SGCD: variants seen among roughly 807,000 people sequenced by gnomAD.
The protein encoded by SGCD is sarcoglycan delta, also known as delta-sarcoglycan.
SGCD carries 18 observed loss-of-function variants against 36.6 expected under a neutral mutation model. That is an observed-to-expected ratio of 0.49 (90% CI 0.34 to 0.73). SGCD has a LOEUF of 0.73. Among genes scored for constraint, SGCD ranks in the 30% least tolerant of loss-of-function variants. The pLI, the probability that SGCD is intolerant of heterozygous loss-of-function variation, is 0.01. For missense variants in SGCD, 387 were observed against 346.7 expected (o/e 1.12, Z -0.92); for synonymous variants, 133 against 130.6 (o/e 1.02, Z -0.12).
In SGCD at chr5:156,593,375, T is replaced by C. The variant is rs369580971; in HGVS notation, c.383-1557T>C. 8.0e-4 allele frequency among the ~76,000 whole-genome samples: 122 copies of C among 152,254 alleles called. 1 individual carries two copies. Among genetic ancestry groups the C allele is most frequent in the African/African-American group, 2.8e-3 (115 of 41,552 alleles). On this transcript the variant is annotated intron_variant, in intron 5 of 8. Transcript: ENST00000337851. Reference sequence around the variant, plus strand: ...AGACAAGGCTGTTCAGTGGCCATGATGGATCAAGACAAAACAACACAAACA... The same window carrying C: ...AGACAAGGCTGTTCAGTGGCCATGACGGATCAAGACAAAACAACACAAACA...
chr5:156,089,953 C>A (rs78643088), intron 1 of SGCD, among the ~76,000 whole-genome samples: 30,024 of 151,978 alleles, frequency 0.2, 3,359 homozygotes, highest in Non-Finnish European at 0.25. Context: ...ACTAAAGCCC[C>A]AGACCCTGGG....
intron 1 of SGCD, among the ~76,000 whole-genome samples, chr5:156,053,851 C>G (rs929487055): frequency 2.7e-5 from 4 of 146,314 alleles, no homozygotes; most frequent in African/African-American, 9.8e-5. Context: ...GATTCAATAT[C>G]TGGTGAGTGC....
chr5:156,500,712 C>T (rs1197194986), intron 3 of SGCD, among the ~76,000 whole-genome samples: 3 of 152,188 alleles, frequency 2.0e-5, no homozygotes, highest in Non-Finnish European at 2.9e-5. Context: ...TCTGAATAAA[C>T]ATATGCACTC....
At chr5:155,958,659 A>G (rs553535394) in intron 1 of SGCD, among the ~76,000 whole-genome samples, 16 of 152,308 alleles carry the variant, frequency 1.1e-4, no homozygotes, top group Non-Finnish European at 2.2e-4. Context: ...TCTTGGGGTC[A>G]GAACAGTATT....
chr5:155,905,327 T>C (rs1368372159), intron 1 of SGCD, among the ~76,000 whole-genome samples: 1 of 152,178 alleles, frequency 6.6e-6, no homozygotes, highest in Non-Finnish European at 1.5e-5. Context: ...ATCTAGCACA[T>C]GGTATAACCT....
chr5:156,099,603 C>T (rs1249089015), intron 1 of SGCD, among the ~76,000 whole-genome samples: 8 of 152,006 alleles, frequency 5.3e-5, no homozygotes, highest in African/African-American at 1.9e-4. Context: ...TTAGTAGAGA[C>T]GGGGTTTCAC....
At chr5:156,061,173 ATT>A (rs201621091) in intron 1 of SGCD, among the ~76,000 whole-genome samples, 7 of 137,768 alleles carry the variant, frequency 5.1e-5, no homozygotes, top group Admixed American at 1.5e-4. Flanking sequence ...AATTGCAACT[ATT>A]TTTTTTTTTT....
At chr5:156,405,006 A>G (rs1222492047) in intron 3 of SGCD, among the ~76,000 whole-genome samples, 1 of 152,242 alleles carries the variant, frequency 6.6e-6, no homozygotes, top group Non-Finnish European at 1.5e-5. Context: ...TGAGTTAATC[A>G]AAAGGGAGAT....
At chr5:155,973,064 T>C (rs182193276) in intron 1 of SGCD, among the ~76,000 whole-genome samples, 3 of 152,300 alleles carry the variant, frequency 2.0e-5, no homozygotes, top group African/African-American at 7.2e-5. Context: ...TGTGTCAATC[T>C]TTTTCTTTCT....
intron 2 of SGCD, among the ~76,000 whole-genome samples, chr5:156,335,674 G>A (rs1262540893): frequency 6.6e-6 from 1 of 151,972 alleles, no homozygotes. Context: ...TGCCCTCCAA[G>A]CCTTCTATCC....
chr5:155,896,684 AT>A (rs1756270003), intron 1 of SGCD, among the ~76,000 whole-genome samples: 1 of 151,676 alleles, frequency 6.6e-6, no homozygotes, highest in African/African-American at 2.4e-5. Context: ...TTATAAAAAA[AT>A]AAAATTAAAA....
the SGCD span, among the ~76,000 whole-genome samples, chr5:155,774,072 T>C: frequency 6.6e-6 from 1 of 152,126 alleles, no homozygotes; most frequent in Non-Finnish European, 1.5e-5. Flanking sequence ...CAACTTCTGT[T>C]TGGAGTCCAT....
At chr5:156,136,749 A>C (rs1762468843) in intron 3 of SGCD, among the ~76,000 whole-genome samples, 1 of 152,206 alleles carries the variant, frequency 6.6e-6, no homozygotes, top group Non-Finnish European at 1.5e-5. Flanking sequence ...AATCATTGAT[A>C]TCTGAGATTT....
intron 4 of SGCD, among the ~76,000 whole-genome samples, chr5:156,515,801 G>GCCAT (rs1429565514): frequency 6.6e-6 from 1 of 152,248 alleles, no homozygotes; most frequent in Non-Finnish European, 1.5e-5. Context: ...AAGGGGAGCT[G>GCCAT]CCATCACTGT....
chr5:156,469,361 A>G (rs547816583), intron 3 of SGCD, among the ~76,000 whole-genome samples: 4 of 152,370 alleles, frequency 2.6e-5, no homozygotes, highest in African/African-American at 9.6e-5. Flanking sequence ...AGCCTGTATT[A>G]TGATTGCTTA....
intron 3 of SGCD, among the ~76,000 whole-genome samples, chr5:156,456,574 G>A (rs1754272521): frequency 6.6e-6 from 1 of 152,164 alleles, no homozygotes; most frequent in South Asian, 2.1e-4. Flanking sequence ...GTGTCTCCTT[G>A]CTGCCTATAG....
chr5:155,771,608 A>G, the SGCD span, among the ~76,000 whole-genome samples: 3 of 152,038 alleles, frequency 2.0e-5, no homozygotes, highest in African/African-American at 7.2e-5. Context: ...TATTTTTAGT[A>G]GAGATGGGGT....
chr5:156,754,984 T>C (rs547244508), intron 7 of SGCD, among the ~76,000 whole-genome samples: 1 of 152,296 alleles, frequency 6.6e-6, no homozygotes, highest in African/African-American at 2.4e-5. Flanking sequence ...GTGAAGTTCA[T>C]TGGGAAAAAG....
intron 7 of SGCD, among the ~76,000 whole-genome samples, chr5:156,739,400 A>G (rs1051718251): frequency 2.6e-5 from 4 of 152,228 alleles, no homozygotes; most frequent in African/African-American, 9.6e-5. Context: ...ACAGAGCTTA[A>G]TCTAGAAGAA....
Sources: allele counts gnomAD v4.1 joint callset (sites outside exome capture counted in the v4.1 genomes callset), GRCh38; gene constraint gnomAD v4.1.1; transcripts MANE v1.5; gene names NCBI Gene and HGNC (gene_info 2026-07-23, HGNC 2026-07-21).